Variants in KIAA1217 observed in about 807,000 individuals in gnomAD.
KIAA1217 encodes KIAA1217.
A neutral mutation model predicts 163.9 loss-of-function variants in KIAA1217; 88 were observed. That is an observed-to-expected ratio of 0.54 (90% confidence interval 0.45 to 0.64). The LOEUF (loss-of-function observed/expected upper bound fraction) is 0.64, where lower values mean the gene tolerates loss of function less well. Among genes scored for constraint, KIAA1217 ranks in the 30% least tolerant of loss-of-function variants. The pLI is 0.00. For missense variants in KIAA1217, 2,372 were observed against 2,475.0 expected (o/e 0.96, Z 0.88); for synonymous variants, 903 against 923.1 (o/e 0.98, Z 0.39).
chr10:24,182,053 C>A (rs2066196046), intron 2 of KIAA1217, among the ~76,000 whole-genome samples: 1 of 152,164 alleles, frequency 6.6e-6, no homozygotes, highest in Admixed American at 6.5e-5. Flanking sequence ...TGTTTATCTA[C>A]CAAAAGGGTC....
At chr10:24,281,683 A>G (rs2077946077) in intron 2 of KIAA1217, among the ~76,000 whole-genome samples, 1 of 152,180 alleles carries the variant, frequency 6.6e-6, no homozygotes, top group South Asian at 2.1e-4. Flanking sequence ...TTTTATCATG[A>G]GTAGACTAGG....
intron 2 of KIAA1217, among the ~76,000 whole-genome samples, chr10:24,181,229 T>G (rs1222017241): frequency 6.6e-6 from 1 of 152,190 alleles, no homozygotes; most frequent in Non-Finnish European, 1.5e-5. Flanking sequence ...TGTGGAAATA[T>G]CTGAGAGGGG....
chr10:24,341,902 A>G (rs563459496), intron 2 of KIAA1217, among the ~76,000 whole-genome samples: 45 of 152,340 alleles, frequency 3.0e-4, no homozygotes, highest in Middle Eastern at 3.4e-3. Context: ...GACTTGGAAT[A>G]TCGTCATGTG....
At chr10:24,498,599 G>A (rs1389913588) in intron 8 of KIAA1217, among the ~76,000 whole-genome samples, 6 of 152,046 alleles carry the variant, frequency 3.9e-5, no homozygotes, top group Non-Finnish European at 7.4e-5. Context: ...CAGGAGGATC[G>A]CTTGAGGCCA....
chr10:24,110,122 T>C (rs1413397949), intron 2 of KIAA1217, among the ~76,000 whole-genome samples: 1 of 152,236 alleles, frequency 6.6e-6, no homozygotes, highest in Non-Finnish European at 1.5e-5. Context: ...GAGACAGTCT[T>C]AATTACTTGA....
chr10:24,013,629 T>TCTCCAACTATCTTTA (rs2131496262), intron 2 of KIAA1217, among the ~76,000 whole-genome samples: 1 of 152,252 alleles, frequency 6.6e-6, no homozygotes, highest in East Asian at 1.9e-4. Flanking sequence ...GCAGACATAG[T>TCTCCAACTATCTTTA]CTCCAACTAT....
intron 2 of KIAA1217, among the ~76,000 whole-genome samples, chr10:24,123,161 T>TGTGTGA (rs1241715985): frequency 6.6e-6 from 1 of 151,598 alleles, no homozygotes; most frequent in Non-Finnish European, 1.5e-5. Context: ...TGTGTGTGTG[T>TGTGTGA]GATAACAGGC....
At position 23,782,414 on chromosome 10, in the gene KIAA1217, A is replaced by T. The variant is rs79003607; in HGVS notation, c.-321+87180A>T. 2.9e-3 allele frequency among the ~76,000 whole-genome samples: 434 copies of T among 152,242 alleles called. 3 individuals are homozygous for T. The highest frequency in any genetic ancestry group is 0.01 in the African/African-American group (420 of 41,552). On this transcript the variant is annotated intron_variant, in intron 1 of 18. Transcript: ENST00000376462. ...ACTAATTTTTGTATGTTGATTTTGC[A>T]TGGTGCAACTTTATTAAGTTAATTT...
intron 2 of KIAA1217, among the ~76,000 whole-genome samples, chr10:24,236,797 ACACACCAG>A (rs2072337407): frequency 6.6e-6 from 1 of 151,784 alleles, no homozygotes; most frequent in Non-Finnish European, 1.5e-5. Context: ...GACTAGAGGC[ACACACCAG>A]CACGCCGGGC....
intron 1 of KIAA1217, among the ~76,000 whole-genome samples, chr10:23,736,948 T>TA (rs1038954444): frequency 9.2e-5 from 14 of 152,226 alleles, no homozygotes; most frequent in Admixed American, 3.3e-4. Flanking sequence ...CCAAGATCCA[T>TA]AAAAAAACAC....
intron 3 of KIAA1217, among the ~76,000 whole-genome samples, chr10:24,388,214 C>T (rs1023532109): frequency 9.9e-5 from 15 of 152,134 alleles, no homozygotes; most frequent in Non-Finnish European, 1.9e-4. Flanking sequence ...GAGATACAGA[C>T]CAATGGAACA....
At chr10:24,310,864 G>A (rs1431654998) in intron 2 of KIAA1217, among the ~76,000 whole-genome samples, 1 of 152,106 alleles carries the variant, frequency 6.6e-6, no homozygotes, top group African/African-American at 2.4e-5. Context: ...AAGTGTGGTG[G>A]TGCACACCTG....
chr10:24,500,050 A>T (rs2067328348), intron 8 of KIAA1217, among the ~76,000 whole-genome samples: 1 of 152,162 alleles, frequency 6.6e-6, no homozygotes. Context: ...TCCCGAAATG[A>T]CTGAGCCAGG....
intron 2 of KIAA1217, among the ~76,000 whole-genome samples, chr10:24,266,843 G>A (rs945213888): frequency 1.3e-5 from 2 of 152,182 alleles, no homozygotes; most frequent in Admixed American, 6.5e-5. Context: ...CCCCTTCCAC[G>A]ATGTGGAAGC....
At chr10:24,052,329 C>T (rs761566851) in intron 2 of KIAA1217, among the ~76,000 whole-genome samples, 4 of 152,134 alleles carry the variant, frequency 2.6e-5, no homozygotes, top group South Asian at 2.1e-4. Context: ...ATCTCAATAA[C>T]GTTAAAAAAT....
At chr10:23,842,133 G>T (rs1449423679) in intron 1 of KIAA1217, among the ~76,000 whole-genome samples, 1 of 152,142 alleles carries the variant, frequency 6.6e-6, no homozygotes, top group Non-Finnish European at 1.5e-5. Flanking sequence ...ATCCCAAAGT[G>T]CTGGGATTAC....
intron 2 of KIAA1217, among the ~76,000 whole-genome samples, chr10:24,108,359 A>G (rs1024973742): frequency 1.3e-5 from 2 of 152,196 alleles, no homozygotes; most frequent in African/African-American, 4.8e-5. Flanking sequence ...GTTTCTTAAG[A>G]TTGAAAAGAC....
chr10:24,087,471 A>G (rs1409949338), intron 2 of KIAA1217, among the ~76,000 whole-genome samples: 1 of 152,194 alleles, frequency 6.6e-6, no homozygotes, highest in Non-Finnish European at 1.5e-5. Context: ...AGAGGGGCCC[A>G]AATACATGAG....
At chr10:24,200,165 T>C (rs578049496) in intron 2 of KIAA1217, among the ~76,000 whole-genome samples, 1 of 151,956 alleles carries the variant, frequency 6.6e-6, no homozygotes, top group East Asian at 1.9e-4. Flanking sequence ...CTTTGGTTTG[T>C]GTTGCCTCAT....
Sources: gnomAD v4.1 joint callset for allele counts (sites outside exome capture counted in the v4.1 genomes callset) on GRCh38, gnomAD v4.1.1 for gene constraint, MANE v1.5 for transcripts, NCBI Gene and HGNC (gene_info 2026-07-23, HGNC 2026-07-21) for gene names.